The following GALNT14 variants were observed in gnomAD, a reference collection of about 807,000 sequenced individuals.
GALNT14 encodes the protein UDP-GalNAc:polypeptide N-acetylgalactosaminyltransferase 14.
A neutral mutation model predicts 77.5 loss-of-function variants in GALNT14; 60 were observed. The observed-to-expected ratio is 0.77, with a 90% CI of 0.63 to 0.96. GALNT14 has a LOEUF of 0.96. GALNT14 is among the 40% of genes least tolerant of loss of function. The pLI is 0.00. For synonymous variants in GALNT14, 280 were observed against 281.7 expected, an observed-to-expected ratio of 0.99 and a Z score of 0.06; for missense variants, 710 against 731.0, an observed-to-expected ratio of 0.97 and a Z score of 0.33.
intron 2 of GALNT14, among the ~76,000 whole-genome samples, chr2:30,967,456 G>C (rs1668079114): frequency 6.6e-6 from 1 of 152,146 alleles, no homozygotes; most frequent in Non-Finnish European, 1.5e-5. Context: ...TCGGTCCAGA[G>C]AACTTATTTA....
intron 2 of GALNT14, among the ~76,000 whole-genome samples, chr2:30,989,583 A>ATATATATAT (rs56703340): frequency 0.016 from 1,424 of 91,688 alleles, 52 homozygotes; most frequent in African/African-American, 0.055. Flanking sequence ...TATATATATA[A>ATATATATAT]AAATATATAT....
chr2:30,925,168 G>T (rs1174464754), intron 11 of GALNT14, among the ~76,000 whole-genome samples: 1 of 152,156 alleles, frequency 6.6e-6, no homozygotes, highest in Non-Finnish European at 1.5e-5. Flanking sequence ...GGGGCTCTGG[G>T]CCTGCTTATT....
At chr2:30,992,263 C>T (rs1669749472) in intron 2 of GALNT14, among the ~76,000 whole-genome samples, 1 of 152,172 alleles carries the variant, frequency 6.6e-6, no homozygotes, top group African/African-American at 2.4e-5. Context: ...TCTCTGCAAC[C>T]CACTGAAGGC....
intron 1 of GALNT14, among the ~76,000 whole-genome samples, chr2:31,021,156 G>C (rs985788778): frequency 6.6e-6 from 1 of 152,146 alleles, no homozygotes; most frequent in Non-Finnish European, 1.5e-5. Flanking sequence ...CCATTTTAGA[G>C]GTGTGGAAGG....
intron 1 of GALNT14, among the ~76,000 whole-genome samples, chr2:30,997,482 C>T (rs1053490423): frequency 2.0e-5 from 3 of 152,170 alleles, no homozygotes; most frequent in Non-Finnish European, 4.4e-5. Context: ...GGAAGTGATA[C>T]GTCCCGGGAA....
intron 2 of GALNT14, among the ~76,000 whole-genome samples, chr2:30,971,366 C>T (rs985720472): frequency 3.3e-5 from 5 of 151,752 alleles, no homozygotes; most frequent in East Asian, 1.9e-4. Flanking sequence ...AGATTGGGGG[C>T]GGGGTGTGGG....
At chr2:31,095,081 G>A (rs1573340383) in intron 1 of GALNT14, among the ~76,000 whole-genome samples, 2 of 152,194 alleles carry the variant, frequency 1.3e-5, no homozygotes, top group South Asian at 4.1e-4. Context: ...CTGAGTTAAA[G>A]AGGTACCAGA....
chr2:31,002,371 A>C lies in GALNT14; in HGVS notation c.130-9364T>G, dbSNP rs548450435. ...CTTGAAGTGGGGAGGCGGAGGCTGA[A>C]GTGAGCCGAGTTCATGCCACTGCGC... On this transcript the variant is annotated intron_variant, in intron 1 of 14. Coordinates refer to ENST00000349752, the MANE Select transcript of GALNT14 (RefSeq NM_024572.4). Among the ~76,000 whole-genome samples the C allele has an allele frequency of 3.3e-5, 5 of 152,154 alleles. No individual in the cohort carries two copies. In the East Asian group the frequency reaches 9.7e-4, roughly 29 times the overall value.
intron 13 of GALNT14, among the ~76,000 whole-genome samples, chr2:30,920,518 T>G (rs1240626848): frequency 6.6e-6 from 1 of 151,886 alleles, no homozygotes; most frequent in Admixed American, 6.6e-5. Flanking sequence ...CAAAGCCCAG[T>G]GTTAGCAGAA....
chr2:31,095,412 A>C (rs75103280), intron 1 of GALNT14, among the ~76,000 whole-genome samples: 3,107 of 152,232 alleles, frequency 0.02, 100 homozygotes, highest in African/African-American at 0.066. Context: ...AACTGGACAC[A>C]CAAGAAATCA....
intron 1 of GALNT14, among the ~76,000 whole-genome samples, chr2:31,043,885 G>T (rs541728254): frequency 2.6e-5 from 4 of 152,260 alleles, no homozygotes; most frequent in African/African-American, 9.6e-5. Flanking sequence ...CAACAGTGAT[G>T]AAATCAGTGG....
intron 1 of GALNT14, among the ~76,000 whole-genome samples, chr2:31,134,635 A>G (rs1275390566): frequency 6.6e-6 from 1 of 152,140 alleles, no homozygotes; most frequent in East Asian, 1.9e-4. Context: ...GGTGCCTTCC[A>G]AGGGCAGGGG....
intron 1 of GALNT14, among the ~76,000 whole-genome samples, chr2:31,046,047 T>C (rs932094859): frequency 2.0e-5 from 3 of 152,190 alleles, no homozygotes; most frequent in Non-Finnish European, 4.4e-5. Flanking sequence ...GAGCAGCCAT[T>C]GTGCTAATCA....
chr2:31,112,602 C>A (rs928979137), intron 1 of GALNT14, among the ~76,000 whole-genome samples: 19 of 152,216 alleles, frequency 1.2e-4, no homozygotes, highest in Admixed American at 6.5e-4. Context: ...ATATTCCAGT[C>A]CTTCTCATTG....
At chr2:30,932,045 G>A (rs537089531) in intron 10 of GALNT14, 23 bp downstream of exon 10, 11 of 1,490,624 alleles carry the variant, frequency 7.4e-6, no homozygotes, top group South Asian at 4.1e-5. Flanking sequence ...CTGCCCACCC[G>A]CGCTGAGCCC....
At chr2:30,898,889 A>G in the GALNT14 span, among the ~76,000 whole-genome samples, 3 of 152,180 alleles carry the variant, frequency 2.0e-5, no homozygotes, top group African/African-American at 7.2e-5. Context: ...CTCTTCCACT[A>G]TTGGAGAAGA....
At chr2:31,034,222 G>A (rs922126730) in intron 1 of GALNT14, among the ~76,000 whole-genome samples, 2 of 152,032 alleles carry the variant, frequency 1.3e-5, no homozygotes, top group Admixed American at 6.6e-5. Context: ...GACCCTCTAC[G>A]CCACTATTCC....
At chr2:30,929,370 C>T in intron 11 of GALNT14, 25 bp downstream of exon 11, 2 of 1,592,888 alleles carry the variant, frequency 1.3e-6, no homozygotes, top group Non-Finnish European at 1.7e-6. Context: ...AGTCTCTGCC[C>T]TCCTCAACCT....
chr2:31,033,503 A>C (rs1020840060), intron 1 of GALNT14, among the ~76,000 whole-genome samples: 2 of 151,932 alleles, frequency 1.3e-5, no homozygotes, highest in Non-Finnish European at 2.9e-5. Context: ...TGATAATGCT[A>C]TTTTTGCTTC....
Sources: allele counts gnomAD v4.1 joint callset (sites outside exome capture counted in the v4.1 genomes callset), GRCh38; gene constraint gnomAD v4.1.1; transcripts MANE v1.5; gene names NCBI Gene and HGNC (gene_info 2026-07-23, HGNC 2026-07-21).